Variants in PDGFD observed in about 807,000 individuals in gnomAD.
The protein encoded by PDGFD is platelet derived growth factor D.
Under a neutral mutation model 44.7 loss-of-function variants are expected in PDGFD, and 30 were observed. The observed-to-expected ratio is 0.67, with a 90% CI of 0.50 to 0.91. PDGFD has a LOEUF of 0.91. Ranked by LOEUF, PDGFD falls within the 40% of genes least tolerant of loss-of-function variation. The probability of loss-of-function intolerance (pLI) is 0.00; values close to 1 mark genes in which losing one functional copy is unlikely to be tolerated. For synonymous variants in PDGFD, 173 were observed against 168.4 expected, an observed-to-expected ratio of 1.03 and a Z score of -0.21; for missense variants, 445 against 457.8, an observed-to-expected ratio of 0.97 and a Z score of 0.25.
chr11:104,061,487 G>T (rs950126035), intron 1 of PDGFD, among the ~76,000 whole-genome samples: 1 of 152,160 alleles, frequency 6.6e-6, no homozygotes, highest in African/African-American at 2.4e-5. Flanking sequence ...AATTTTAAAA[G>T]CGATCAAAAA....
intron 3 of PDGFD, among the ~76,000 whole-genome samples, chr11:103,991,303 C>A (rs1033587448): frequency 1.3e-5 from 2 of 152,098 alleles, no homozygotes; most frequent in Non-Finnish European, 2.9e-5. Context: ...AACCCCTGGG[C>A]TGTTCTCCTC....
At chr11:104,079,889 A>G (rs1046105038) in intron 1 of PDGFD, among the ~76,000 whole-genome samples, 1 of 152,222 alleles carries the variant, frequency 6.6e-6, no homozygotes, top group Non-Finnish European at 1.5e-5. Flanking sequence ...TATGCATACT[A>G]TAAACTTACA....
At position 104,108,716 on chromosome 11, in the gene PDGFD, A is replaced by C. The variant is rs192155108; in HGVS notation, c.124+55088T>G. 2.1e-4 allele frequency among the ~76,000 whole-genome samples: 32 copies of C among 152,302 alleles called. No homozygotes were observed. The East Asian group carries it at 6.0e-3, about 28-fold the overall frequency. On this transcript the variant is annotated intron_variant, in intron 1 of 6. Coordinates refer to ENST00000393158, the MANE Select transcript of PDGFD (RefSeq NM_025208.5). Reference sequence around the variant, plus strand: ...CCATTACTGGGTATATACCCAAAGGATTATAAATCATGCTGCTATAAAGGC... The same window carrying C: ...CCATTACTGGGTATATACCCAAAGGCTTATAAATCATGCTGCTATAAAGGC...
At chr11:103,972,785 G>A (rs1859122399) in intron 3 of PDGFD, among the ~76,000 whole-genome samples, 1 of 152,166 alleles carries the variant, frequency 6.6e-6, no homozygotes, top group Admixed American at 6.5e-5. Flanking sequence ...AACGTGAGTA[G>A]AACTCATTTT....
At chr11:104,079,884 A>G (rs1480182875) in intron 1 of PDGFD, among the ~76,000 whole-genome samples, 1 of 152,232 alleles carries the variant, frequency 6.6e-6, no homozygotes, top group Non-Finnish European at 1.5e-5. Flanking sequence ...GCATTTATGC[A>G]TACTATAAAC....
chr11:103,923,179 G>A (rs1045046618), intron 6 of PDGFD, among the ~76,000 whole-genome samples: 3 of 152,062 alleles, frequency 2.0e-5, no homozygotes, highest in Non-Finnish European at 4.4e-5. Flanking sequence ...AAGGGTGGAA[G>A]AAAAGGTATT....
At chr11:104,091,696 G>C (rs1861214786) in intron 1 of PDGFD, among the ~76,000 whole-genome samples, 2 of 152,266 alleles carry the variant, frequency 1.3e-5, no homozygotes, top group South Asian at 4.1e-4. Context: ...TTTTAGAACA[G>C]AGCCTACATT....
intron 1 of PDGFD, among the ~76,000 whole-genome samples, chr11:104,084,768 T>C (rs1861098509): frequency 1.5e-5 from 1 of 66,682 alleles, no homozygotes; most frequent in Non-Finnish European, 2.5e-5. Context: ...ATATTAATTA[T>C]AAAATTATAC....
chr11:104,041,338 G>C (rs1860349386), intron 1 of PDGFD, among the ~76,000 whole-genome samples: 1 of 151,650 alleles, frequency 6.6e-6, no homozygotes, highest in Admixed American at 6.6e-5. Flanking sequence ...TTTGTAATGG[G>C]GATTATTTTT....
chr11:104,009,450 T>TCTA (rs1859751135), intron 1 of PDGFD, among the ~76,000 whole-genome samples: 1 of 151,498 alleles, frequency 6.6e-6, no homozygotes, highest in Non-Finnish European at 1.5e-5. Flanking sequence ...TTATTATTAT[T>TCTA]ATTATCATTA....
chr11:103,926,743 TC>T (rs1429928783), intron 6 of PDGFD, among the ~76,000 whole-genome samples, 168 bp downstream of exon 6: 1 of 152,224 alleles, frequency 6.6e-6, no homozygotes, highest in Non-Finnish European at 1.5e-5. Flanking sequence ...TAACCTGTCA[TC>T]AGGACACTTG....
At chr11:104,088,462 C>G (rs929986533) in intron 1 of PDGFD, among the ~76,000 whole-genome samples, 3 of 152,120 alleles carry the variant, frequency 2.0e-5, no homozygotes, top group Non-Finnish European at 4.4e-5. Flanking sequence ...TCTTCATTAC[C>G]TAGAATAACA....
intron 1 of PDGFD, among the ~76,000 whole-genome samples, chr11:104,154,036 G>A (rs1307872400): frequency 2.0e-5 from 3 of 152,114 alleles, no homozygotes; most frequent in Non-Finnish European, 4.4e-5. Flanking sequence ...ACCTATGTAT[G>A]TGTTCAATGT....
chr11:104,076,055 A>G (rs769938789), intron 1 of PDGFD, among the ~76,000 whole-genome samples: 3 of 152,146 alleles, frequency 2.0e-5, no homozygotes, highest in Non-Finnish European at 4.4e-5. Context: ...CTCCCATGTT[A>G]TTCTTATAAT....
Position 103,984,824 on chromosome 11 carries a change from TATATA to T in PDGFD, c.510+11236_510+11240del, listed in dbSNP as rs1442499835. Reference sequence around the variant, plus strand: ...ATTTAATATATTTATATTTATTTAATATATAATATATTAATTTATTTAATATATAA... The same window carrying T: ...ATTTAATATATTTATATTTATTTAATATATATTAATTTATTTAATATATAA... On this transcript the variant is annotated intron_variant, in intron 3 of 6. Coordinates refer to ENST00000393158, the MANE Select transcript of PDGFD (RefSeq NM_025208.5). Among the ~76,000 whole-genome samples, 206 of 143,630 alleles carry T rather than the reference TATATA, an allele frequency of 1.4e-3. 6 individuals are homozygous for T. The highest frequency in any genetic ancestry group is 5.0e-3 in the African/African-American group (197 of 39,206). The allele number at this position is 143,630 out of a possible 152,430, so 94.2% of individuals were successfully genotyped here. A position where few individuals can be genotyped will look rare whatever the true frequency, so the allele number is the denominator to read the frequency against.
chr11:104,013,866 T>A lies in PDGFD; in HGVS notation c.125-13611A>T, dbSNP rs373398351. Among the ~76,000 whole-genome samples the A allele has an allele frequency of 2.6e-5, 4 of 151,772 alleles. No individual in the cohort carries two copies. In the South Asian group the frequency reaches 8.3e-4, roughly 32 times the overall value. ...TCTCCAAGCAGAAGATTCATAAAGA[T>A]TTGATGACTACAGAGGAAGAAAAAT... On this transcript the variant is annotated intron_variant, in intron 1 of 6. Transcript: ENST00000393158.
chr11:104,100,826 T>C (rs953424325), intron 1 of PDGFD, among the ~76,000 whole-genome samples: 3 of 152,120 alleles, frequency 2.0e-5, no homozygotes, highest in African/African-American at 7.2e-5. Flanking sequence ...TTACCCAGCA[T>C]ATAAACACAA....
At chr11:104,140,113 C>G (rs967175291) in intron 1 of PDGFD, among the ~76,000 whole-genome samples, 5 of 152,030 alleles carry the variant, frequency 3.3e-5, no homozygotes, top group South Asian at 2.1e-4. Flanking sequence ...TCTGTCTGAA[C>G]GAGAAAAACC....
intron 3 of PDGFD, among the ~76,000 whole-genome samples, chr11:103,959,613 T>C (rs1475492050): frequency 6.6e-6 from 1 of 152,194 alleles, no homozygotes; most frequent in Non-Finnish European, 1.5e-5. Flanking sequence ...GCCCATTAGG[T>C]GAACTTGTTG....
Sources: allele counts gnomAD v4.1 joint callset (sites outside exome capture counted in the v4.1 genomes callset), GRCh38; gene constraint gnomAD v4.1.1; transcripts MANE v1.5; gene names NCBI Gene and HGNC (gene_info 2026-07-23, HGNC 2026-07-21).